COL4A4: variants seen among roughly 807,000 people sequenced by gnomAD.
The protein encoded by COL4A4 is collagen type IV alpha 4 chain.
Under a neutral mutation model 192.9 loss-of-function variants are expected in COL4A4, and 105 were observed. That is an observed-to-expected ratio of 0.54 (90% CI 0.46 to 0.64). The LOEUF (loss-of-function observed/expected upper bound fraction) is 0.64, where lower values mean the gene tolerates loss of function less well. Ranked by LOEUF, COL4A4 falls within the 30% of genes least tolerant of loss-of-function variation. The pLI is 0.00. For synonymous variants in COL4A4, 762 were observed against 769.9 expected (o/e 0.99, Z 0.17); for missense variants, 1,967 against 2,169.3 (o/e 0.91, Z 1.85).
At chr2:226,977,896 C>T in the COL4A4 span, among the ~76,000 whole-genome samples, 1 of 152,136 alleles carries the variant, frequency 6.6e-6, no homozygotes, top group East Asian at 1.9e-4. Flanking sequence ...TGCATTTTAA[C>T]GTAAATTTGA....
chr2:227,043,667 G>A (rs1971898576), intron 35 of COL4A4, among the ~76,000 whole-genome samples: 1 of 152,060 alleles, frequency 6.6e-6, no homozygotes, highest in African/African-American at 2.4e-5. Flanking sequence ...AAAATTCCTA[G>A]GAGTAGAATT....
In COL4A4 at chr2:227,006,083, G is replaced by A. The variant is rs886055716; in HGVS notation, c.*1242C>T. 2.6e-5 allele frequency: 4 copies of A among 152,636 alleles called. No homozygotes were observed. Among genetic ancestry groups the A allele is most frequent in the African/African-American group, 9.7e-5 (4 of 41,448 alleles). 9.5% of individuals were successfully genotyped at this position (152,636 alleles called of 1,614,324 possible). On this transcript the variant is annotated 3_prime_UTR_variant, in exon 48 of 48. Coordinates refer to ENST00000396625, the MANE Select transcript of COL4A4 (RefSeq NM_000092.5). ...AAAATTGGCAAAATGGGATGCTCCT[G>A]TAACAGCCAACCACGGGAGCATAAA...
the COL4A4 span, among the ~76,000 whole-genome samples, chr2:226,990,494 G>A: frequency 5.3e-5 from 8 of 152,228 alleles, no homozygotes; most frequent in South Asian, 4.2e-4. Context: ...GGCATAGTGC[G>A]TTCATCAGAT....
At chr2:227,071,359 A>C (rs1388733803) in intron 25 of COL4A4, among the ~76,000 whole-genome samples, 1 of 152,150 alleles carries the variant, frequency 6.6e-6, no homozygotes, top group Non-Finnish European at 1.5e-5. Flanking sequence ...TACAATCATA[A>C]ATTTATATGC....
intron 37 of COL4A4, among the ~76,000 whole-genome samples, chr2:227,041,832 GAAAGAAAGAAAGAAAGAGAA>G (rs1559477650): frequency 2.1e-5 from 1 of 47,398 alleles, no homozygotes; most frequent in Admixed American, 2.3e-4. Context: ...AAGAAAGAAA[GAAAGAAAGAAAGAAAGAGAA>G]AGAAAGAAAG....
At chr2:226,985,108 A>T in the COL4A4 span, among the ~76,000 whole-genome samples, 1 of 152,172 alleles carries the variant, frequency 6.6e-6, no homozygotes, top group South Asian at 2.1e-4. Context: ...ATGTCTGTTT[A>T]TCTCCTCTGA....
chr2:226,995,485 T>A, the COL4A4 span: 1 of 1,613,312 alleles, frequency 6.2e-7, no homozygotes, highest in South Asian at 1.1e-5. Context: ...CCAGAAGAAA[T>A]GAGGAGACAG....
chr2:227,037,817 T>C (rs1969991374), intron 37 of COL4A4, among the ~76,000 whole-genome samples: 1 of 152,238 alleles, frequency 6.6e-6, no homozygotes, highest in Non-Finnish European at 1.5e-5. Context: ...GTGGTTTTGA[T>C]TTGCATTTCT....
chr2:227,077,647 G>T (rs1235075361), intron 25 of COL4A4, among the ~76,000 whole-genome samples: 1 of 148,254 alleles, frequency 6.7e-6, no homozygotes, highest in Non-Finnish European at 1.5e-5. Context: ...ATGTATCCCA[G>T]AACTTAAAGT....
In COL4A4 at chr2:227,054,739, T is replaced by C. The variant is rs2150221409; in HGVS notation, c.2717-2A>G. On this transcript the variant is annotated splice_acceptor_variant, in intron 30 of 47. Transcript: ENST00000396625. LOFTEE classifies it high-confidence loss of function. Reference sequence around the variant, plus strand: ...GGAAACCAGGCAGCCCCCGGGGTCCTGGTGAAATGAGAGCATAAAGTTTTA... The same window carrying C: ...GGAAACCAGGCAGCCCCCGGGGTCCCGGTGAAATGAGAGCATAAAGTTTTA... 1 of 1,613,776 alleles carries C rather than the reference T, an allele frequency of 6.2e-7. No individual in the cohort carries two copies. The highest frequency in any genetic ancestry group is 1.1e-5 in the South Asian group (1 of 91,040).
chr2:227,095,628 C>G (rs1279957364), intron 19 of COL4A4, among the ~76,000 whole-genome samples: 1 of 152,208 alleles, frequency 6.6e-6, no homozygotes, highest in African/African-American at 2.4e-5. Flanking sequence ...GGCCCGGTGG[C>G]TCACACCCGT....
chr2:227,158,665 T>C (rs1209540385), intron 1 of COL4A4, among the ~76,000 whole-genome samples: 1 of 152,004 alleles, frequency 6.6e-6, no homozygotes. Context: ...GGAAAAAAGA[T>C]TTGAATAGGC....
chr2:226,989,165 T>G, the COL4A4 span, among the ~76,000 whole-genome samples: 4 of 152,228 alleles, frequency 2.6e-5, no homozygotes, highest in Non-Finnish European at 4.4e-5. Context: ...CTTAAAATCT[T>G]TAAGCCTCAA....
intron 4 of COL4A4, among the ~76,000 whole-genome samples, chr2:227,135,362 A>G (rs2062746431): frequency 6.6e-6 from 1 of 152,186 alleles, no homozygotes; most frequent in African/African-American, 2.4e-5. Flanking sequence ...ATTGTACCTT[A>G]AAAGGTCCAA....
chr2:227,151,922 G>C (rs868658148), intron 1 of COL4A4, among the ~76,000 whole-genome samples: 1 of 152,206 alleles, frequency 6.6e-6, no homozygotes, highest in Non-Finnish European at 1.5e-5. Flanking sequence ...ATAAACCTCT[G>C]TTGTTCATAA....
chr2:227,117,121 C>T (rs765956343), intron 7 of COL4A4, among the ~76,000 whole-genome samples: 1 of 152,118 alleles, frequency 6.6e-6, no homozygotes, highest in Non-Finnish European at 1.5e-5. Context: ...GGTTTCTTTG[C>T]GTGGTTTTTA....
the COL4A4 span, among the ~76,000 whole-genome samples, chr2:226,971,791 A>ATATGATTT: frequency 2.0e-5 from 3 of 151,790 alleles, no homozygotes; most frequent in African/African-American, 7.3e-5. Context: ...TTTTGTTGAG[A>ATATGATTT]TATGATTTTT....
At chr2:227,154,863 C>G (rs190051520) in intron 1 of COL4A4, among the ~76,000 whole-genome samples, 2 of 152,316 alleles carry the variant, frequency 1.3e-5, no homozygotes, top group South Asian at 4.1e-4. Flanking sequence ...TCAACCTAAC[C>G]ATTTCCCAAC....
At chr2:227,026,428 G>A (rs1159219604) in intron 42 of COL4A4, among the ~76,000 whole-genome samples, 2 of 152,008 alleles carry the variant, frequency 1.3e-5, no homozygotes, top group African/African-American at 2.4e-5. Flanking sequence ...GAACCCGGGA[G>A]GTGGAGCTTG....
Sources: gnomAD v4.1 joint callset for allele counts (sites outside exome capture counted in the v4.1 genomes callset) on GRCh38, gnomAD v4.1.1 for gene constraint, MANE v1.5 for transcripts, NCBI Gene and HGNC (gene_info 2026-07-23, HGNC 2026-07-21) for gene names.